The following RADIL variants were observed in gnomAD, a reference collection of about 807,000 sequenced individuals.
RADIL encodes the protein ras-associating and dilute domain-containing protein.
Under a neutral mutation model 97.6 loss-of-function variants are expected in RADIL, and 99 were observed. The ratio of observed to expected loss-of-function variants is 1.01; its 90% CI spans 0.86 to 1.20. The LOEUF (loss-of-function observed/expected upper bound fraction) is 1.20, where lower values mean the gene tolerates loss of function less well. Among genes scored for constraint, RADIL ranks in the 50% most tolerant of loss-of-function variants. The pLI, the probability that RADIL is intolerant of heterozygous loss-of-function variation, is 0.00. For missense variants in RADIL, 1,765 were observed against 1,498.9 expected, an observed-to-expected ratio of 1.18 and a Z score of -2.93; for synonymous variants, 803 against 691.8, an observed-to-expected ratio of 1.16 and a Z score of -2.52.
intron 2 of RADIL, chr7:4,838,064 C>T (rs959702900): frequency 3.9e-5 from 38 of 985,384 alleles, no homozygotes; most frequent in South Asian, 1.4e-4. Flanking sequence ...ATCTGCAGCC[C>T]GCAGGGGGCC....
chr7:4,876,682 C>G (rs868081744), intron 2 of RADIL, among the ~76,000 whole-genome samples: 3 of 152,216 alleles, frequency 2.0e-5, no homozygotes, highest in Non-Finnish European at 4.4e-5. Flanking sequence ...CACAGTGGGC[C>G]CCAGGCCCCG....
rs999322334 is a variant in RADIL, at chr7:4,824,505, T to C, written c.1455-1951A>G. ...CCCCAGCTGGGCAGCCGAGCAGGGC[T>C]GGGGGAGGAACCCCAGGCTGCGTCC... On this transcript the variant is annotated intron_variant, in intron 5 of 14. Coordinates refer to ENST00000399583, the MANE Select transcript of RADIL (RefSeq NM_018059.5). This position sits in a 1 kb window ranked among gnomAD's most constrained non-coding sequence, Gnocchi z 6.7. Among the ~76,000 whole-genome samples the C allele has an allele frequency of 1.3e-5, 2 of 152,340 alleles. No individual in the cohort carries two copies. Among genetic ancestry groups the C allele is most frequent in the East Asian group, 3.9e-4 (2 of 5,184 alleles).
At position 4,834,876 on chromosome 7, in the gene RADIL, C is replaced by CGCACAGCCGGCAGCTCTGCG. The variant is rs1222296659; in HGVS notation, c.1127_1146dup (p.Gly383ArgfsTer47). ...GCTCCCCGGGCCCCGAGCGCGGCCC[C>CGCACAGCCGGCAGCTCTGCG]GCACAGCCGGCAGCTCTGCGGCACA... On this transcript the variant is annotated frameshift_variant, in exon 4 of 15. Transcript: ENST00000399583. LOFTEE classifies it high-confidence loss of function. The surrounding 1 kb of genome is among the most constrained non-coding windows in gnomAD (Gnocchi z 6.0). 3 of 1,425,328 alleles carry CGCACAGCCGGCAGCTCTGCG rather than the reference C, an allele frequency of 2.1e-6. No homozygotes were observed. Among genetic ancestry groups the CGCACAGCCGGCAGCTCTGCG allele is most frequent in the Non-Finnish European group, 2.7e-6 (3 of 1,092,148 alleles). The allele number at this position is 1,425,328 out of a possible 1,614,324, so 88.3% of individuals were successfully genotyped here. A position where few individuals can be genotyped will look rare whatever the true frequency, so the allele number is the denominator to read the frequency against.
In RADIL at chr7:4,827,926, G is replaced by A. The variant is rs144101523; in HGVS notation, c.1454+4215C>T. 7.7e-4 allele frequency among the ~76,000 whole-genome samples: 116 copies of A among 150,872 alleles called. 1 individual carries two copies. Among genetic ancestry groups the A allele is most frequent in the African/African-American group, 2.6e-3 (108 of 40,836 alleles). On this transcript the variant is annotated intron_variant, in intron 5 of 14. Coordinates refer to ENST00000399583, the MANE Select transcript of RADIL (RefSeq NM_018059.5). ...AACAAACAAACAAACAAAAAAAAACGTAGACCAGTTTTACCGATAAATTCA... is the reference window on the plus strand; with the variant it reads ...AACAAACAAACAAACAAAAAAAAACATAGACCAGTTTTACCGATAAATTCA...
chr7:4,860,679 G>C, intron 2 of RADIL: 1 of 1,614,136 alleles, frequency 6.2e-7, no homozygotes, highest in African/African-American at 1.3e-5. Flanking sequence ...CTTGCCAGAA[G>C]TACAATATAA....
chr7:4,844,394 G>C (rs1783520544), intron 2 of RADIL, among the ~76,000 whole-genome samples: 1 of 151,984 alleles, frequency 6.6e-6, no homozygotes, highest in South Asian at 2.1e-4. Context: ...GCAGTGAGCT[G>C]AGATCGCACC....
rs1418883744 is a variant in RADIL, at chr7:4,801,937, G to C, written c.2558C>G (p.Pro853Arg). ...HLEAPSCPLAPRDPGPAAREV... is the reference protein window; with the variant it reads ...HLEAPSCPLARRDPGPAAREV... ...CCGGGCTGCTGGGCCAGGGTCCCTG[G>C]GAGCCAGGGGGCAGCTCGGGGCCTC... Residue 853 changes from proline to arginine, a missense_variant, in exon 12 of 15, where the codon CCC becomes CGC. Transcript: ENST00000399583. The C allele has an allele frequency of 6.4e-7, 1 of 1,566,384 alleles. No homozygotes were observed.
intron 2 of RADIL, among the ~76,000 whole-genome samples, chr7:4,869,787 G>T (rs1365570317): frequency 6.6e-6 from 1 of 152,064 alleles, no homozygotes; most frequent in East Asian, 1.9e-4. Flanking sequence ...ACCCTTGCTT[G>T]TCTTGTTCAA....
intron 2 of RADIL, chr7:4,865,739 T>C: frequency 9.3e-7 from 1 of 1,074,326 alleles, no homozygotes. Flanking sequence ...CAATCAAGAG[T>C]GAACTTCAGA....
intron 2 of RADIL, among the ~76,000 whole-genome samples, chr7:4,836,866 A>T (rs148186035): frequency 6.6e-6 from 1 of 152,246 alleles, no homozygotes; most frequent in African/African-American, 2.4e-5. Flanking sequence ...TAAACCCAGG[A>T]GGCGGAGGTG....
chr7:4,830,287 G>A (rs1239293711), intron 5 of RADIL, among the ~76,000 whole-genome samples: 6 of 152,178 alleles, frequency 3.9e-5, no homozygotes, highest in African/African-American at 1.4e-4. Context: ...GCTCCTGTGC[G>A]GACACACTGC....
At chr7:4,855,768 C>A (rs1050993919) in intron 2 of RADIL, among the ~76,000 whole-genome samples, 5 of 151,890 alleles carry the variant, frequency 3.3e-5, no homozygotes, top group African/African-American at 1.2e-4. Context: ...TTCTTTGGCC[C>A]ATTTTTTAAA....
intron 2 of RADIL, among the ~76,000 whole-genome samples, chr7:4,870,038 G>A (rs1228505169): frequency 6.6e-6 from 1 of 152,224 alleles, no homozygotes; most frequent in Non-Finnish European, 1.5e-5. Context: ...ACGCAGAGGG[G>A]CTGAGGTGGG....
intron 1 of RADIL, chr7:4,881,978 G>A (rs897604575): frequency 2.1e-5 from 3 of 143,130 alleles, no homozygotes; most frequent in South Asian, 2.2e-4. Context: ...CACAGTTTCC[G>A]GAGCCGGATT....
chr7:4,863,230 C>A (rs532027000), intron 2 of RADIL, among the ~76,000 whole-genome samples: 7 of 152,188 alleles, frequency 4.6e-5, no homozygotes, highest in Non-Finnish European at 1.0e-4. Context: ...CTATTTTGTT[C>A]TTTTCCAAGC....
rs532595257 is a variant in RADIL, at chr7:4,821,458, C to T, written c.1615+936G>A. On this transcript the variant is annotated intron_variant, in intron 6 of 14. Coordinates refer to ENST00000399583, the MANE Select transcript of RADIL (RefSeq NM_018059.5). The surrounding 1 kb of genome is among the most constrained non-coding windows in gnomAD (Gnocchi z 5.2). Reference sequence around the variant, plus strand: ...GCAGACACATGAGCCGAAATCCTACCCCGGCTTCCGGGCCCGGCCCCATGC... The same window carrying T: ...GCAGACACATGAGCCGAAATCCTACTCCGGCTTCCGGGCCCGGCCCCATGC... Among the ~76,000 whole-genome samples the T allele has an allele frequency of 5.3e-5, 8 of 152,330 alleles. No individual in the cohort carries two copies. The East Asian group carries it at 1.5e-3, about 29-fold the overall frequency.
chr7:4,802,754 C>T (rs1366185138), intron 11 of RADIL, among the ~76,000 whole-genome samples: 29 of 98,026 alleles, frequency 3.0e-4, no homozygotes, highest in East Asian at 1.7e-3. Flanking sequence ...CCTCCCCGGG[C>T]ACCTCGGGGC....
chr7:4,868,789 A>G (rs945408524), intron 2 of RADIL, among the ~76,000 whole-genome samples: 3 of 152,192 alleles, frequency 2.0e-5, no homozygotes, highest in Admixed American at 6.5e-5. Context: ...AGTCAAATCT[A>G]TCTACTTTTT....
rs575729810 is a variant in RADIL at position 4,803,971 on chromosome 7, G to A, written c.2291-217C>T. ...CCGCCGACCACCCGGTGTGACATCC[G>A]AGCAGTTCAGGACTGAGAACAAGGC... On this transcript the variant is annotated intron_variant, in intron 10 of 14. Transcript: ENST00000399583. 214 of 648,386 alleles carry A rather than the reference G, an allele frequency of 3.3e-4. 2 individuals carry two copies. The highest frequency in any genetic ancestry group is 3.2e-3 in the African/African-American group (183 of 56,372). The allele number at this position is 648,386 out of a possible 1,614,324, so 40.2% of individuals were successfully genotyped here.
Sources: allele counts gnomAD v4.1 joint callset (sites outside exome capture counted in the v4.1 genomes callset), GRCh38; gene constraint gnomAD v4.1.1; non-coding constraint Gnocchi (gnomAD v3.1); transcripts MANE v1.5; gene names NCBI Gene and HGNC (gene_info 2026-07-23, HGNC 2026-07-21).